Variants in FSTL4 observed in about 807,000 individuals in gnomAD.
The protein encoded by FSTL4 is follistatin-related protein 4.
In FSTL4, 28 loss-of-function variants were observed where a neutral mutation model predicts 78.2. The ratio of observed to expected loss-of-function variants is 0.36; its 90% CI spans 0.27 to 0.49. The LOEUF (loss-of-function observed/expected upper bound fraction) is 0.49, where lower values mean the gene tolerates loss of function less well. FSTL4 is among the 20% of genes least tolerant of loss of function. The probability of loss-of-function intolerance (pLI) is 0.98; values close to 1 mark genes in which losing one functional copy is unlikely to be tolerated. For synonymous variants in FSTL4, 422 were observed against 440.5 expected (o/e 0.96, Z 0.53); for missense variants, 922 against 1,084.9 (o/e 0.85, Z 2.11).
At chr5:133,242,902 C>G (rs1432160720) in intron 7 of FSTL4, among the ~76,000 whole-genome samples, 1 of 152,176 alleles carries the variant, frequency 6.6e-6, no homozygotes, top group African/African-American at 2.4e-5. Context: ...AAACAGCTCT[C>G]CATGCTAATC....
chr5:133,749,485 G>A, the FSTL4 span, among the ~76,000 whole-genome samples: 1 of 152,230 alleles, frequency 6.6e-6, no homozygotes, highest in South Asian at 2.1e-4. Flanking sequence ...TGCTCCCGCA[G>A]CTGAACCCCT....
the FSTL4 span, among the ~76,000 whole-genome samples, chr5:133,635,624 G>A: frequency 2.6e-5 from 4 of 152,262 alleles, 1 homozygote; most frequent in South Asian, 4.1e-4. Context: ...TTAGCTGGGC[G>A]TGGTGGCACA....
chr5:133,622,694 G>A, the FSTL4 span, among the ~76,000 whole-genome samples: 1 of 151,984 alleles, frequency 6.6e-6, no homozygotes, highest in Non-Finnish European at 1.5e-5. Flanking sequence ...CTTTTCATGT[G>A]CTTATTTGTC....
At chr5:133,395,371 G>A (rs1217990361) in intron 4 of FSTL4, among the ~76,000 whole-genome samples, 5 of 152,284 alleles carry the variant, frequency 3.3e-5, no homozygotes, top group East Asian at 1.9e-4. Flanking sequence ...GCGAAGGTCC[G>A]CAGCTTCACT....
intron 3 of FSTL4, among the ~76,000 whole-genome samples, chr5:133,552,209 CT>C (rs1387110195): frequency 6.6e-6 from 1 of 152,170 alleles, no homozygotes; most frequent in Admixed American, 6.5e-5. Context: ...TTAACAAGTT[CT>C]ATACCTTAGT....
the FSTL4 span, among the ~76,000 whole-genome samples, chr5:133,700,547 G>A: frequency 6.6e-6 from 1 of 152,372 alleles, no homozygotes; most frequent in East Asian, 1.9e-4. Flanking sequence ...GTGCCTGATG[G>A]GGCAGGTGCT....
the FSTL4 span, among the ~76,000 whole-genome samples, chr5:133,771,828 G>A: frequency 6.6e-6 from 1 of 152,172 alleles, no homozygotes; most frequent in Non-Finnish European, 1.5e-5. Context: ...AGCAGTTTGT[G>A]AAGATCAGAT....
upstream of FSTL4, among the ~76,000 whole-genome samples, chr5:133,614,523 A>G (rs554758271): frequency 6.6e-6 from 1 of 152,318 alleles, no homozygotes; most frequent in East Asian, 1.9e-4. Context: ...TGAATGACAA[A>G]ATAAAACAAG....
At chr5:133,222,665 G>A (rs186870204) in intron 11 of FSTL4, among the ~76,000 whole-genome samples, 43 of 152,306 alleles carry the variant, frequency 2.8e-4, no homozygotes, top group Middle Eastern at 3.4e-3. Flanking sequence ...GTCGGCCCTG[G>A]AATATGAGGC....
the FSTL4 span, among the ~76,000 whole-genome samples, chr5:133,820,351 T>C: frequency 5.3e-5 from 8 of 152,242 alleles, no homozygotes; most frequent in Non-Finnish European, 1.2e-4. Context: ...TTGTGACGTT[T>C]ATGGAACTTG....
At position 133,400,959 on chromosome 5, in the gene FSTL4, G is replaced by T. The variant is rs1561703471; in HGVS notation, c.188C>A (p.Ala63Asp). Reference sequence around the variant, plus strand: ...GCTGCAGAACTTCTTCCCGCAGGAGGCCAGCAGCTCGTTGTGGCTGGAAAG... The same window carrying T: ...GCTGCAGAACTTCTTCCCGCAGGAGTCCAGCAGCTCGTTGTGGCTGGAAAG... Reference protein sequence around the residue: ...EGLSSHNELLASCGKKFCSRG... With the variant: ...EGLSSHNELLDSCGKKFCSRG... Residue 63 changes from alanine to aspartate, a missense_variant, in exon 4 of 16, where the codon GCC (alanine) becomes GAC (aspartate). By Grantham distance (126) the Ala-to-Asp change is moderately radical. Coordinates refer to ENST00000265342, the MANE Select transcript of FSTL4 (RefSeq NM_015082.2). The T allele has an allele frequency of 1.3e-5, 21 of 1,613,220 alleles. No individual in the cohort carries two copies. Among genetic ancestry groups the T allele is most frequent in the Middle Eastern group, 1.7e-4 (1 of 6,048 alleles).
At chr5:133,835,309 G>A in the FSTL4 span, among the ~76,000 whole-genome samples, 34 of 152,256 alleles carry the variant, frequency 2.2e-4, no homozygotes, top group Non-Finnish European at 4.3e-4. Context: ...CCACTTTTGG[G>A]CATCTCACAG....
intron 3 of FSTL4, among the ~76,000 whole-genome samples, chr5:133,539,949 G>T (rs570592347): frequency 6.8e-6 from 1 of 147,260 alleles, no homozygotes; most frequent in East Asian, 2.0e-4. Context: ...TTCTGTGAAG[G>T]TTTTTTTTTT....
chr5:133,320,747 C>T (rs983904024), intron 4 of FSTL4, among the ~76,000 whole-genome samples: 1 of 152,160 alleles, frequency 6.6e-6, no homozygotes, highest in Non-Finnish European at 1.5e-5. Flanking sequence ...GTGGCTCACG[C>T]CTGTAATCCC....
At chr5:133,220,002 C>T (rs1751039040) in intron 12 of FSTL4, among the ~76,000 whole-genome samples, 1 of 152,238 alleles carries the variant, frequency 6.6e-6, no homozygotes, top group Admixed American at 6.5e-5. Context: ...AGAAATGGAA[C>T]AGCCTGAGAT....
chr5:133,320,399 G>A (rs114491858), intron 4 of FSTL4, among the ~76,000 whole-genome samples: 8,357 of 152,208 alleles, frequency 0.055, 343 homozygotes, highest in Middle Eastern at 0.19. Flanking sequence ...GGACACCACC[G>A]GACATGTCTT....
At chr5:133,716,067 G>C in the FSTL4 span, among the ~76,000 whole-genome samples, 1 of 152,182 alleles carries the variant, frequency 6.6e-6, no homozygotes, top group Non-Finnish European at 1.5e-5. Context: ...CGATAAGCAA[G>C]TACTGGTTCA....
intron 3 of FSTL4, among the ~76,000 whole-genome samples, chr5:133,421,956 A>G (rs1756705903): frequency 6.6e-6 from 1 of 152,178 alleles, no homozygotes; most frequent in Admixed American, 6.5e-5. Flanking sequence ...GGAGATGAGG[A>G]GTGAAGGGAC....
chr5:133,496,257 A>C (rs538905228), intron 3 of FSTL4, among the ~76,000 whole-genome samples: 29 of 152,258 alleles, frequency 1.9e-4, no homozygotes, highest in Non-Finnish European at 2.8e-4. Flanking sequence ...GTATGGAAAC[A>C]GTCAAACAAA....
Sources: allele counts gnomAD v4.1 joint callset (sites outside exome capture counted in the v4.1 genomes callset), GRCh38; gene constraint gnomAD v4.1.1; transcripts MANE v1.5; gene names NCBI Gene and HGNC (gene_info 2026-07-23, HGNC 2026-07-21).